LAMA4: variants seen among roughly 807,000 people sequenced by gnomAD.
LAMA4 encodes laminin subunit alpha 4, also known as laminin subunit alpha-4.
Under a neutral mutation model 207.1 loss-of-function variants are expected in LAMA4, and 127 were observed. The ratio of observed to expected loss-of-function variants is 0.61; its 90% CI spans 0.53 to 0.71. LAMA4 has a LOEUF of 0.71. LAMA4 is among the 30% of genes least tolerant of loss of function. The pLI, the probability that LAMA4 is intolerant of heterozygous loss-of-function variation, is 0.00. For synonymous variants in LAMA4, 761 were observed against 816.0 expected, an observed-to-expected ratio of 0.93 and a Z score of 1.15; for missense variants, 2,093 against 2,246.5, an observed-to-expected ratio of 0.93 and a Z score of 1.38.
chr6:112,187,899 C>T (rs1268224862), intron 7 of LAMA4, among the ~76,000 whole-genome samples: 2 of 152,214 alleles, frequency 1.3e-5, no homozygotes, highest in African/African-American at 4.8e-5. Flanking sequence ...CACTTCCTGG[C>T]AGGATGAACA....
At position 112,161,235 on chromosome 6, in the gene LAMA4, T is replaced by C. The variant is rs576195758; in HGVS notation, c.1669-2355A>G. The stretch of plus-strand genomic sequence containing the variant: ...TGAGTTAAGTGTTGCCATGTGTTTT[T>C]ATTATTCATTCATGTGTCAAATGAT... On this transcript the variant is annotated intron_variant, in intron 13 of 38. Transcript: ENST00000230538. Among the ~76,000 whole-genome samples the C allele has an allele frequency of 1.8e-4, 28 of 152,374 alleles. No homozygotes were observed. In the South Asian group the frequency reaches 5.8e-3, roughly 32 times the overall value.
At chr6:112,208,157 T>C (rs1188892858) in intron 3 of LAMA4, among the ~76,000 whole-genome samples, 2 of 150,652 alleles carry the variant, frequency 1.3e-5, no homozygotes, top group African/African-American at 4.9e-5. Flanking sequence ...GGGGTTGCAG[T>C]GAAAAATTAT....
At chr6:112,185,153 C>T in intron 9 of LAMA4, 84 bp downstream of exon 9, 1 of 885,468 alleles carries the variant, frequency 1.1e-6, no homozygotes, top group South Asian at 1.3e-5. Flanking sequence ...TGTTAAGCCT[C>T]AGTCGTTTGT....
intron 4 of LAMA4, among the ~76,000 whole-genome samples, chr6:112,202,443 G>GGGT (rs1554352868): frequency 1.3e-5 from 2 of 150,028 alleles, no homozygotes; most frequent in Admixed American, 6.6e-5. Context: ...GGGGCATAGG[G>GGGT]GTGTGTGTGT....
chr6:112,190,922 T>TC (rs1491323509), intron 6 of LAMA4, among the ~76,000 whole-genome samples: 18 of 98,100 alleles, frequency 1.8e-4, no homozygotes, highest in South Asian at 4.5e-4. Context: ...TTTCTTTCTT[T>TC]CTTTCTTTCT....
At chr6:112,172,924 A>C in intron 11 of LAMA4, 120 bp from the exon 12 acceptor site, 2 of 758,002 alleles carry the variant, frequency 2.6e-6, no homozygotes, top group Non-Finnish European at 4.6e-6. Flanking sequence ...TGGAGATTGA[A>C]GCTATTGTTC....
intron 5 of LAMA4, chr6:112,200,186 T>A (rs1783655679): frequency 1.9e-6 from 1 of 532,686 alleles, no homozygotes; most frequent in Non-Finnish European, 3.8e-6. Context: ...CTTTCTTACA[T>A]GAGCAAAGCC....
chr6:112,125,718 T>C (rs1369747854), intron 31 of LAMA4, among the ~76,000 whole-genome samples: 1 of 152,216 alleles, frequency 6.6e-6, no homozygotes, highest in African/African-American at 2.4e-5. Flanking sequence ...CTTAAAGATT[T>C]GTTCAGCAAC....
intron 5 of LAMA4, among the ~76,000 whole-genome samples, chr6:112,194,212 T>C (rs1010302036): frequency 6.6e-6 from 1 of 152,236 alleles, no homozygotes. Context: ...ATTAGGCTCT[T>C]TGGCCGACTG....
chr6:112,230,868 C>T (rs531312911), intron 2 of LAMA4, among the ~76,000 whole-genome samples: 1 of 152,286 alleles, frequency 6.6e-6, no homozygotes, highest in South Asian at 2.1e-4. Context: ...CTGGGAAGGA[C>T]TGTATCTAAT....
chr6:112,190,989 CTCTT>C (rs1176782579), intron 6 of LAMA4, among the ~76,000 whole-genome samples: 116 of 66,078 alleles, frequency 1.8e-3, no homozygotes, highest in South Asian at 3.2e-3. Flanking sequence ...TCTTTCTTTC[CTCTT>C]TCTTTCTTTC....
intron 7 of LAMA4, among the ~76,000 whole-genome samples, 194 bp from the exon 8 acceptor site, chr6:112,187,795 C>T (rs116662122): frequency 3.0e-4 from 45 of 152,244 alleles, no homozygotes; most frequent in Non-Finnish European, 4.3e-4. Flanking sequence ...ATTGGCTAGA[C>T]GCTCCTCCTC....
At chr6:112,141,577 T>G in intron 20 of LAMA4, 74 bp from the exon 21 acceptor site, 1 of 1,219,550 alleles carries the variant, frequency 8.2e-7, no homozygotes, top group Non-Finnish European at 1.2e-6. Context: ...TAAAGGACAA[T>G]CAGAAATCCA....
chr6:112,232,133 C>T (rs1785605381), intron 2 of LAMA4, among the ~76,000 whole-genome samples: 1 of 152,192 alleles, frequency 6.6e-6, no homozygotes, highest in African/African-American at 2.4e-5. Context: ...CTCAGGGACA[C>T]TGGTAACAAG....
rs200589775 is a variant in LAMA4 at position 112,216,437 on chromosome 6, C to T, written c.228G>A (p.Ser76=). The part of the protein sequence containing the change: ...KCNAGFFHTL[S]GECVPCDCNG... ...TACAGTCGCAGGGCACACATTCTCC[C>T]GACAGGGTGTGAAAGAATCCAGCAT... Residue 76 remains serine (S), a synonymous_variant, in exon 3 of 39, where the codon TCG becomes TCA. Transcript: ENST00000230538. The T allele has an allele frequency of 2.6e-5, 42 of 1,613,924 alleles. No homozygotes were observed. The highest frequency in any genetic ancestry group is 4.0e-5 in the African/African-American group (3 of 75,046).
chr6:112,229,996 C>CT (rs545440200), intron 2 of LAMA4, among the ~76,000 whole-genome samples: 49 of 149,376 alleles, frequency 3.3e-4, no homozygotes, highest in South Asian at 8.5e-4. Flanking sequence ...ATTCTTTGTC[C>CT]TTTTTTTTTT....
At chr6:112,227,080 TA>T (rs1785261016) in intron 2 of LAMA4, among the ~76,000 whole-genome samples, 1 of 150,926 alleles carries the variant, frequency 6.6e-6, no homozygotes, top group African/African-American at 2.4e-5. Flanking sequence ...TTTATTTATT[TA>T]TTTATATTGA....
intron 9 of LAMA4, among the ~76,000 whole-genome samples, chr6:112,182,000 G>C (rs1319123217): frequency 1.4e-4 from 21 of 152,146 alleles, no homozygotes; most frequent in African/African-American, 5.1e-4. Context: ...AGGAGGCTGA[G>C]GCAGGAGAAT....
intron 16 of LAMA4, among the ~76,000 whole-genome samples, chr6:112,151,503 C>T (rs976272929): frequency 2.0e-5 from 3 of 152,066 alleles, no homozygotes; most frequent in Non-Finnish European, 1.5e-5. Context: ...ATCTTCTACT[C>T]AATGAATATG....
Sources: gnomAD v4.1 joint callset for allele counts (sites outside exome capture counted in the v4.1 genomes callset) on GRCh38, gnomAD v4.1.1 for gene constraint, MANE v1.5 for transcripts, NCBI Gene and HGNC (gene_info 2026-07-23, HGNC 2026-07-21) for gene names.